GRXCR1: variants seen among roughly 807,000 people sequenced by gnomAD.
The protein encoded by GRXCR1 is glutaredoxin and cysteine rich domain containing 1.
GRXCR1 carries 27 observed loss-of-function variants against 27.3 expected under a neutral mutation model. The ratio of observed to expected loss-of-function variants is 0.99; its 90% CI spans 0.73 to 1.37. GRXCR1 has a LOEUF of 1.37. GRXCR1 is among the 40% of genes most tolerant of loss of function. The pLI, the probability that GRXCR1 is intolerant of heterozygous loss-of-function variation, is 0.00. For missense variants in GRXCR1, 379 were observed against 354.4 expected (o/e 1.07, Z -0.56); for synonymous variants, 122 against 131.1 (o/e 0.93, Z 0.47).
chr4:42,915,535 A>G (rs1327806337), intron 1 of GRXCR1, among the ~76,000 whole-genome samples: 1 of 152,098 alleles, frequency 6.6e-6, no homozygotes, highest in Admixed American at 6.6e-5. Flanking sequence ...ATGGTGATTT[A>G]AGACTTTTGT....
intron 3 of GRXCR1, among the ~76,000 whole-genome samples, chr4:43,023,500 T>A (rs1296210090): frequency 6.6e-6 from 1 of 152,182 alleles, no homozygotes; most frequent in Non-Finnish European, 1.5e-5. Context: ...AGATTATTAG[T>A]GGCCTCAAAC....
chr4:43,023,271 A>G (rs1713148435), intron 3 of GRXCR1, among the ~76,000 whole-genome samples: 1 of 152,154 alleles, frequency 6.6e-6, no homozygotes, highest in South Asian at 2.1e-4. Context: ...GGGTTGCTAC[A>G]TGGTAGTTTA....
chr4:42,990,223 G>A (rs1400150617), intron 2 of GRXCR1, among the ~76,000 whole-genome samples: 4 of 78,826 alleles, frequency 5.1e-5, no homozygotes, highest in Middle Eastern at 0.015. Flanking sequence ...ACGGAGTCTC[G>A]CTCTGTCGCC....
At chr4:43,021,870 G>A (rs1269330612) in intron 3 of GRXCR1, among the ~76,000 whole-genome samples, 3 of 152,106 alleles carry the variant, frequency 2.0e-5, no homozygotes, top group Non-Finnish European at 4.4e-5. Context: ...AATTTCTGAA[G>A]TATTATGACT....
chr4:42,944,992 G>A (rs1409346324), intron 1 of GRXCR1, among the ~76,000 whole-genome samples: 17 of 152,076 alleles, frequency 1.1e-4, no homozygotes, highest in African/African-American at 3.4e-4. Context: ...GTCTCCCAAG[G>A]TCATGGTAAA....
chr4:42,923,402 A>T (rs574856507), intron 1 of GRXCR1, among the ~76,000 whole-genome samples: 25 of 152,256 alleles, frequency 1.6e-4, no homozygotes, highest in African/African-American at 6.0e-4. Context: ...AGGCCCAATA[A>T]GCAAATCTCT....
chr4:42,949,129 G>A (rs1194289819), intron 1 of GRXCR1, among the ~76,000 whole-genome samples: 1 of 151,940 alleles, frequency 6.6e-6, no homozygotes, highest in Non-Finnish European at 1.5e-5. Flanking sequence ...GCTAAGGTGG[G>A]CAGATCACGA....
Position 42,927,860 on chromosome 4 carries a change from T to G in GRXCR1, c.384+34210T>G, listed in dbSNP as rs370440649. 1.1e-4 allele frequency among the ~76,000 whole-genome samples: 17 copies of G among 151,964 alleles called. No homozygotes were observed. In the East Asian group the frequency reaches 2.7e-3, roughly 24 times the overall value. On this transcript the variant is annotated intron_variant, in intron 1 of 3. Coordinates refer to ENST00000399770, the MANE Select transcript of GRXCR1 (RefSeq NM_001080476.3). The stretch of plus-strand genomic sequence containing the variant: ...CCCTAGACAAGAACTTGTGTGCAGG[T>G]AATTTATTTGGGAAGTGATCTCAGG...
chr4:42,932,275 G>T (rs1056445374), intron 1 of GRXCR1, among the ~76,000 whole-genome samples: 9 of 151,750 alleles, frequency 5.9e-5, no homozygotes, highest in Non-Finnish European at 2.9e-5. Flanking sequence ...GGCCTGTGCG[G>T]ATTCCTTCCT....
At chr4:42,994,199 T>C (rs1712073106) in intron 2 of GRXCR1, among the ~76,000 whole-genome samples, 2 of 152,084 alleles carry the variant, frequency 1.3e-5, no homozygotes, top group South Asian at 2.1e-4. Flanking sequence ...CTATAAGTCA[T>C]GTGCAAGAGG....
In GRXCR1 at chr4:42,938,819, A is replaced by G. The variant is rs544543454; in HGVS notation, c.385-24073A>G. On this transcript the variant is annotated intron_variant, in intron 1 of 3. Transcript: ENST00000399770. ...CTGAAAATGAGCTCACTGTAGATGT[A>G]TGGATTTATTTCTGGGTTCTGTATT... Among the ~76,000 whole-genome samples, 3 of 151,234 alleles carry G rather than the reference A, an allele frequency of 2.0e-5. No individual in the cohort carries two copies. In the East Asian group the frequency reaches 5.9e-4, roughly 29 times the overall value.
intron 1 of GRXCR1, among the ~76,000 whole-genome samples, chr4:42,913,784 G>A (rs1746819785): frequency 6.6e-6 from 1 of 152,180 alleles, no homozygotes; most frequent in Non-Finnish European, 1.5e-5. Context: ...AAATGGTTTT[G>A]TGGGCTGAGC....
At position 43,007,436 on chromosome 4, in the gene GRXCR1, T is replaced by C. The variant is rs546841548; in HGVS notation, c.628-12918T>C. 1.9e-4 allele frequency among the ~76,000 whole-genome samples: 29 copies of C among 152,248 alleles called. 3 individuals carry two copies. Among genetic ancestry groups the C allele is most frequent in the South Asian group, 1.5e-3 (7 of 4,822 alleles). ...AGGGAAAAGAGTTTGGCTTCTGATA[T>C]GAGTGGAAACCAAAGGTATTTAATG... On this transcript the variant is annotated intron_variant, in intron 2 of 3. Coordinates refer to ENST00000399770, the MANE Select transcript of GRXCR1 (RefSeq NM_001080476.3).
chr4:42,911,646 T>C (rs1176259853), intron 1 of GRXCR1, among the ~76,000 whole-genome samples: 1 of 152,034 alleles, frequency 6.6e-6, no homozygotes, highest in African/African-American at 2.4e-5. Flanking sequence ...GCAGTGACTA[T>C]GGGGAAAGAA....
chr4:43,023,242 T>C (rs1713147991), intron 3 of GRXCR1, among the ~76,000 whole-genome samples: 2 of 152,134 alleles, frequency 1.3e-5, no homozygotes, highest in Non-Finnish European at 2.9e-5. Flanking sequence ...TCCTGGCAAG[T>C]TCTAGTTTGC....
chr4:42,909,139 T>A (rs1023114731), intron 1 of GRXCR1, among the ~76,000 whole-genome samples: 29 of 152,196 alleles, frequency 1.9e-4, no homozygotes, highest in African/African-American at 7.0e-4. Context: ...TAGCACCCTT[T>A]CCCCAGTAAC....
chr4:42,980,799 A>G (rs1465198494), intron 2 of GRXCR1, among the ~76,000 whole-genome samples: 1 of 152,014 alleles, frequency 6.6e-6, no homozygotes, highest in East Asian at 1.9e-4. Flanking sequence ...ATTTGCTTAT[A>G]TATTTAGATG....
chr4:43,014,268 G>A (rs1229667185), intron 2 of GRXCR1, among the ~76,000 whole-genome samples: 1 of 152,074 alleles, frequency 6.6e-6, no homozygotes, highest in Non-Finnish European at 1.5e-5. Flanking sequence ...ATGGGGTCTG[G>A]TCATGCACTG....
chr4:42,899,713 G>A (rs1480954321), intron 1 of GRXCR1, among the ~76,000 whole-genome samples: 1 of 152,192 alleles, frequency 6.6e-6, no homozygotes, highest in African/African-American at 2.4e-5. Context: ...CATTAGCACC[G>A]ACTTATCCAA....
Sources: allele counts gnomAD v4.1 joint callset (sites outside exome capture counted in the v4.1 genomes callset), GRCh38; gene constraint gnomAD v4.1.1; transcripts MANE v1.5; gene names NCBI Gene and HGNC (gene_info 2026-07-23, HGNC 2026-07-21).